TCERG1L: variants seen among roughly 807,000 people sequenced by gnomAD.
The protein encoded by TCERG1L is transcription elongation regulator 1 like.
TCERG1L carries 37 observed loss-of-function variants against 56.3 expected under a neutral mutation model. The observed-to-expected ratio is 0.66, with a 90% CI of 0.51 to 0.87. The LOEUF (loss-of-function observed/expected upper bound fraction) is 0.87, where lower values mean the gene tolerates loss of function less well. TCERG1L is among the 40% of genes least tolerant of loss of function. The pLI is 0.00. For missense variants in TCERG1L, 799 were observed against 774.2 expected (o/e 1.03, Z -0.38); for synonymous variants, 324 against 326.3 (o/e 0.99, Z 0.08).
chr10:131,306,508 T>C (rs766416064), intron 3 of TCERG1L, among the ~76,000 whole-genome samples: 37 of 152,096 alleles, frequency 2.4e-4, no homozygotes, highest in Non-Finnish European at 4.7e-4. Context: ...ATTTATCATG[T>C]TTATAAGAAA....
At chr10:131,233,203 G>A (rs1040368781) in intron 4 of TCERG1L, among the ~76,000 whole-genome samples, 4 of 152,186 alleles carry the variant, frequency 2.6e-5, no homozygotes, top group African/African-American at 9.7e-5. Flanking sequence ...CATACATCGC[G>A]AGAGACAGGA....
intron 8 of TCERG1L, among the ~76,000 whole-genome samples, chr10:131,121,413 A>G (rs982118588): frequency 6.6e-6 from 1 of 152,246 alleles, no homozygotes; most frequent in Non-Finnish European, 1.5e-5. Context: ...AATGCCTCGC[A>G]ATACCGCAAT....
chr10:131,229,477 C>T (rs1431053962), intron 4 of TCERG1L, among the ~76,000 whole-genome samples: 1 of 152,214 alleles, frequency 6.6e-6, no homozygotes, highest in Non-Finnish European at 1.5e-5. Flanking sequence ...CCCTGGAACA[C>T]TCAGCTCCTG....
At chr10:131,134,527 T>C in intron 7 of TCERG1L, 79 bp from the exon 8 acceptor site, 1 of 1,040,502 alleles carries the variant, frequency 9.6e-7, no homozygotes, top group Non-Finnish European at 1.4e-6. Flanking sequence ...ACACTCACTT[T>C]CAAGTAGACT....
Position 131,260,096 on chromosome 10 carries a change from G to A in TCERG1L, c.856+163C>T, listed in dbSNP as rs186722940. ...GGAGTCGGGTCGATTTGCAGGGTCCGAAGTCAAGCAAAGCCCAAACGGCCC... is the reference window on the plus strand; with the variant it reads ...GGAGTCGGGTCGATTTGCAGGGTCCAAAGTCAAGCAAAGCCCAAACGGCCC... On this transcript the variant is annotated intron_variant, in intron 4 of 11. Coordinates refer to ENST00000368642, the MANE Select transcript of TCERG1L (RefSeq NM_174937.4). The surrounding 1 kb of genome is among the most constrained non-coding windows in gnomAD (Gnocchi z 5.8). Among the ~76,000 whole-genome samples, 233 of 152,336 alleles carry A rather than the reference G, an allele frequency of 1.5e-3. No individual in the cohort carries two copies. Among genetic ancestry groups the A allele is most frequent in the African/African-American group, 5.1e-3 (213 of 41,570 alleles).
intron 4 of TCERG1L, among the ~76,000 whole-genome samples, chr10:131,167,513 G>A (rs1846044502): frequency 6.6e-6 from 1 of 152,230 alleles, no homozygotes; most frequent in Admixed American, 6.5e-5. Context: ...CTTGTGAACT[G>A]GGCCACGTGG....
intron 3 of TCERG1L, among the ~76,000 whole-genome samples, chr10:131,277,923 G>C (rs937316471): frequency 4.6e-5 from 7 of 152,184 alleles, no homozygotes; most frequent in Non-Finnish European, 7.3e-5. Context: ...CAGGTGACCA[G>C]AGCAGGGGGC....
At chr10:131,274,546 C>A (rs78295234) in intron 3 of TCERG1L, among the ~76,000 whole-genome samples, 1 of 152,210 alleles carries the variant, frequency 6.6e-6, no homozygotes, top group Non-Finnish European at 1.5e-5. Flanking sequence ...GGTCTGTGCA[C>A]CAAGACTGCT....
At chr10:131,185,102 T>C (rs1845221706) in intron 4 of TCERG1L, among the ~76,000 whole-genome samples, 1 of 151,884 alleles carries the variant, frequency 6.6e-6, no homozygotes, top group South Asian at 2.1e-4. Flanking sequence ...TCTCAAAACA[T>C]AGAGACATAT....
intron 9 of TCERG1L, among the ~76,000 whole-genome samples, chr10:131,116,047 G>A (rs374036546): frequency 3.9e-5 from 6 of 152,170 alleles, no homozygotes; most frequent in Admixed American, 6.5e-5. Flanking sequence ...ATCCTCACAC[G>A]TGGGGCCCAC....
At chr10:131,174,961 A>ACCTGAACCCACCCCTC (rs1846132396) in intron 4 of TCERG1L, among the ~76,000 whole-genome samples, 5 of 149,414 alleles carry the variant, frequency 3.3e-5, no homozygotes, top group Admixed American at 6.7e-5. Context: ...ACCCACCCCA[A>ACCTGAACCCACCCCTC]TAATGGGACC....
At position 131,311,210 on chromosome 10, in the gene TCERG1L, G is replaced by C; in HGVS notation, c.342+84C>G. On this transcript the variant is annotated intron_variant, in intron 1 of 11. Coordinates refer to ENST00000368642, the MANE Select transcript of TCERG1L (RefSeq NM_174937.4). The surrounding 1 kb of genome is among the most constrained non-coding windows in gnomAD (Gnocchi z 4.0). ...CGCCGGGGAGGAGGGCGCGCGAGCC[G>C]GAGGCCAGAGCCGGGCCGGGCAGGG... The C allele has an allele frequency of 9.1e-7, 1 of 1,096,158 alleles. No homozygotes were observed. The highest frequency in any genetic ancestry group is 1.1e-6 in the Non-Finnish European group (1 of 879,118). 67.9% of individuals were successfully genotyped at this position (1,096,158 alleles called of 1,614,324 possible).
At chr10:131,299,017 TTATTA>T (rs1846728956) in intron 3 of TCERG1L, among the ~76,000 whole-genome samples, 1 of 152,250 alleles carries the variant, frequency 6.6e-6, no homozygotes, top group South Asian at 2.1e-4. Context: ...TGAATTTCTT[TTATTA>T]GATTAAATTA....
intron 4 of TCERG1L, among the ~76,000 whole-genome samples, chr10:131,246,313 G>A (rs1483473617): frequency 6.6e-6 from 1 of 152,278 alleles, no homozygotes; most frequent in East Asian, 1.9e-4. Context: ...AAGGAAGGCT[G>A]GGGGCCAAGA....
chr10:131,132,357 C>A (rs1220199818), intron 8 of TCERG1L, among the ~76,000 whole-genome samples: 2 of 152,214 alleles, frequency 1.3e-5, no homozygotes, highest in East Asian at 3.8e-4. Flanking sequence ...TGCAAAACAT[C>A]CGTGCATGTT....
rs1846887991 is a variant in TCERG1L, at chr10:131,311,144, G to A, written c.342+150C>T. On this transcript the variant is annotated intron_variant, in intron 1 of 11. Coordinates refer to ENST00000368642, the MANE Select transcript of TCERG1L (RefSeq NM_174937.4). The surrounding 1 kb of genome is among the most constrained non-coding windows in gnomAD (Gnocchi z 4.0). Reference sequence around the variant, plus strand: ...AGCACGAACTTTCTCGCCGAGGCACGGCTGCCGGGCTCCGTCCTGAGGGTT... The same window carrying A: ...AGCACGAACTTTCTCGCCGAGGCACAGCTGCCGGGCTCCGTCCTGAGGGTT... The A allele has an allele frequency of 5.2e-6, 3 of 576,030 alleles. No individual in the cohort carries two copies. The African/African-American group carries it at 5.9e-5, about 11-fold the overall frequency. The allele number at this position is 576,030 out of a possible 1,614,324, so 35.7% of individuals were successfully genotyped here.
At chr10:131,132,359 G>A (rs954428657) in intron 8 of TCERG1L, among the ~76,000 whole-genome samples, 3 of 152,204 alleles carry the variant, frequency 2.0e-5, no homozygotes, top group Admixed American at 6.5e-5. Context: ...CAAAACATCC[G>A]TGCATGTTTC....
At chr10:131,177,157 C>CACCA (rs1845103519) in intron 4 of TCERG1L, among the ~76,000 whole-genome samples, 5 of 151,198 alleles carry the variant, frequency 3.3e-5, no homozygotes, top group Admixed American at 6.6e-5. Context: ...CGTGTACACA[C>CACCA]AGAGACACAT....
chr10:131,158,260 G>A (rs1368508516), intron 6 of TCERG1L, among the ~76,000 whole-genome samples: 1 of 152,182 alleles, frequency 6.6e-6, no homozygotes, highest in Non-Finnish European at 1.5e-5. Flanking sequence ...CCACCTCATT[G>A]CTTTCTAAGA....
Sources: allele counts gnomAD v4.1 joint callset (sites outside exome capture counted in the v4.1 genomes callset), GRCh38; gene constraint gnomAD v4.1.1; non-coding constraint Gnocchi (gnomAD v3.1); transcripts MANE v1.5; gene names NCBI Gene and HGNC (gene_info 2026-07-23, HGNC 2026-07-21).